The following CORIN variants were observed in gnomAD, a reference collection of about 807,000 sequenced individuals.
CORIN encodes the protein corin, serine peptidase.
In CORIN, 117 loss-of-function variants were observed where a neutral mutation model predicts 125.3. The observed-to-expected ratio is 0.93, with a 90% CI of 0.80 to 1.09. CORIN has a LOEUF of 1.09. Among genes scored for constraint, CORIN ranks in the 50% least tolerant of loss-of-function variants. CORIN has a pLI of 0.00. For missense variants in CORIN, 1,253 were observed against 1,306.7 expected (o/e 0.96, Z 0.63); for synonymous variants, 450 against 466.4 (o/e 0.96, Z 0.45).
At chr4:47,720,422 CT>C (rs566618351) in intron 5 of CORIN, among the ~76,000 whole-genome samples, 2 of 151,990 alleles carry the variant, frequency 1.3e-5, no homozygotes, top group East Asian at 1.9e-4. Flanking sequence ...TAAATAACCA[CT>C]TTTTTTTGGT....
chr4:47,676,800 A>C (rs997334545), intron 9 of CORIN, among the ~76,000 whole-genome samples: 2 of 152,230 alleles, frequency 1.3e-5, no homozygotes, highest in Non-Finnish European at 2.9e-5. Context: ...AAATTATTTC[A>C]GAGTTGAATT....
chr4:47,766,693 C>T (rs1461376621), intron 3 of CORIN, among the ~76,000 whole-genome samples: 1 of 152,066 alleles, frequency 6.6e-6, no homozygotes, highest in Admixed American at 6.5e-5. Context: ...CACCTGTAAT[C>T]CCAGCACTTT....
chr4:47,730,145 G>C (rs1421125207), intron 5 of CORIN, among the ~76,000 whole-genome samples: 1 of 152,184 alleles, frequency 6.6e-6, no homozygotes, highest in African/African-American at 2.4e-5. Context: ...CCATTGAGTT[G>C]ATTAACACAC....
chr4:47,803,231 T>C (rs1489598069), intron 2 of CORIN, among the ~76,000 whole-genome samples: 3 of 152,182 alleles, frequency 2.0e-5, no homozygotes, highest in Non-Finnish European at 2.9e-5. Flanking sequence ...GCAAGATATT[T>C]GATGTTCATG....
chr4:47,796,910 G>GT (rs1731312280), intron 2 of CORIN, among the ~76,000 whole-genome samples: 3 of 151,856 alleles, frequency 2.0e-5, no homozygotes, highest in African/African-American at 7.3e-5. Flanking sequence ...TGTCCCTGTC[G>GT]TAAGTTCTCT....
Position 47,621,343 on chromosome 4 carries a change from G to A in CORIN, c.2540+2228C>T, listed in dbSNP as rs374859204. On this transcript the variant is annotated intron_variant, in intron 19 of 21. Transcript: ENST00000273857. ...GAGTCTCATACAGAGAGGAACTGAGGCCCCAGCCAACAGGCAGCATCTACT... is the reference window on the plus strand; with the variant it reads ...GAGTCTCATACAGAGAGGAACTGAGACCCCAGCCAACAGGCAGCATCTACT... 2.6e-4 allele frequency among the ~76,000 whole-genome samples: 39 copies of A among 152,246 alleles called. 1 individual carries two copies. In the East Asian group the frequency reaches 3.1e-3, roughly 12 times the overall value.
intron 3 of CORIN, among the ~76,000 whole-genome samples, chr4:47,777,608 G>A (rs547614225): frequency 5.8e-4 from 88 of 152,290 alleles, no homozygotes; most frequent in African/African-American, 2.1e-3. Context: ...TCCAGCCTGG[G>A]TGACAGAGCA....
chr4:47,716,302 G>T (rs759279747), intron 5 of CORIN, among the ~76,000 whole-genome samples: 2 of 152,118 alleles, frequency 1.3e-5, no homozygotes, highest in Non-Finnish European at 2.9e-5. Flanking sequence ...TTCTCCTTGG[G>T]CTTTCACACA....
chr4:47,623,200 G>A (rs1722405440), intron 19 of CORIN, among the ~76,000 whole-genome samples: 1 of 150,760 alleles, frequency 6.6e-6, no homozygotes, highest in Admixed American at 6.6e-5. Flanking sequence ...CTACTCACCA[G>A]TTGCGCCTGC....
intron 5 of CORIN, among the ~76,000 whole-genome samples, chr4:47,725,863 C>A (rs1164729180): frequency 2.0e-5 from 3 of 151,852 alleles, no homozygotes; most frequent in African/African-American, 7.2e-5. Context: ...AGACTTGTAC[C>A]CAGAATATAT....
At chr4:47,784,831 C>A (rs549923306) in intron 3 of CORIN, among the ~76,000 whole-genome samples, 2 of 152,244 alleles carry the variant, frequency 1.3e-5, no homozygotes, top group South Asian at 4.2e-4. Context: ...GGTAATGAAC[C>A]CAAATCCATA....
intron 5 of CORIN, among the ~76,000 whole-genome samples, chr4:47,717,233 C>A (rs1299171812): frequency 6.6e-6 from 1 of 152,166 alleles, no homozygotes; most frequent in Admixed American, 6.5e-5. Flanking sequence ...ATAGACAACT[C>A]ACGTATACGA....
At chr4:47,623,549 A>C in intron 19 of CORIN, 22 bp downstream of exon 19, 5 of 1,608,424 alleles carry the variant, frequency 3.1e-6, no homozygotes, top group Non-Finnish European at 4.3e-6. Flanking sequence ...AGGCAAAGGA[A>C]AAAAGGAAAG....
intron 1 of CORIN, among the ~76,000 whole-genome samples, chr4:47,833,026 A>G (rs1733133440): frequency 6.6e-6 from 1 of 152,196 alleles, no homozygotes; most frequent in Admixed American, 6.5e-5. Context: ...GCCTGTGGAA[A>G]AAGTCTTGAG....
Position 47,665,104 on chromosome 4 carries a change from AG to A in CORIN, c.1516del (p.Leu506SerfsTer15). 1 of 1,613,786 alleles carries A rather than the reference AG, an allele frequency of 6.2e-7. No homozygotes were observed. The highest frequency in any genetic ancestry group is 8.5e-7 in the Non-Finnish European group (1 of 1,179,814). ...CAAAATGGTGCAAGAAAAGAACATG[AG>A]GTATTTATAACAGTTGGTTTGAACA... ...ALVQTNCYKY[L>X]MFFSCTILVP... is the part of the protein sequence containing the mutation. On this transcript the variant is annotated frameshift_variant, in exon 11 of 22. Coordinates refer to ENST00000273857, the MANE Select transcript of CORIN (RefSeq NM_006587.4). LOFTEE classifies it high-confidence loss of function.
chr4:47,804,961 C>G (rs759176583), intron 2 of CORIN, among the ~76,000 whole-genome samples: 7 of 150,924 alleles, frequency 4.6e-5, no homozygotes, highest in Non-Finnish European at 8.9e-5. Flanking sequence ...ACAGTGAAAC[C>G]CTGTTTCTAC....
rs572560225 is a variant in CORIN at position 47,778,900 on chromosome 4, A to G, written c.409+7825T>C. ...GCTTAGGCAGACTTCAGACCCTCCA[A>G]GGTACCAACAAAATATTTTTTTCCT... is the stretch of plus-strand genomic sequence containing the variant. On this transcript the variant is annotated intron_variant, in intron 3 of 21. Coordinates refer to ENST00000273857, the MANE Select transcript of CORIN (RefSeq NM_006587.4). 3.3e-5 allele frequency among the ~76,000 whole-genome samples: 5 copies of G among 152,286 alleles called. No homozygotes were observed. The South Asian group carries it at 1.0e-3, about 32-fold the overall frequency.
intron 5 of CORIN, among the ~76,000 whole-genome samples, chr4:47,702,402 A>G (rs941779032): frequency 6.6e-6 from 1 of 152,174 alleles, no homozygotes; most frequent in Non-Finnish European, 1.5e-5. Context: ...AGCTATATAT[A>G]TATTAGTATT....
At chr4:47,768,184 T>A (rs185127234) in intron 3 of CORIN, among the ~76,000 whole-genome samples, 1 of 152,124 alleles carries the variant, frequency 6.6e-6, no homozygotes, top group East Asian at 1.9e-4. Context: ...TCCACCCAAA[T>A]CTTATAAAAC....
Sources: allele counts gnomAD v4.1 joint callset (sites outside exome capture counted in the v4.1 genomes callset), GRCh38; gene constraint gnomAD v4.1.1; transcripts MANE v1.5; gene names NCBI Gene and HGNC (gene_info 2026-07-23, HGNC 2026-07-21).